RORA: variants seen among roughly 807,000 people sequenced by gnomAD.
RORA encodes the protein RAR related orphan receptor A.
RORA carries 7 observed loss-of-function variants against 69.5 expected under a neutral mutation model. The observed-to-expected ratio is 0.10, with a 90% CI of 0.06 to 0.19. The LOEUF (loss-of-function observed/expected upper bound fraction) is 0.19. RORA is among the 10% of genes least tolerant of loss of function. The pLI is 1.00. For missense variants in RORA, 457 were observed against 663.0 expected, an observed-to-expected ratio of 0.69 and a Z score of 3.41; for synonymous variants, 261 against 240.8, an observed-to-expected ratio of 1.08 and a Z score of -0.78.
intron 2 of RORA, among the ~76,000 whole-genome samples, chr15:60,647,801 G>C (rs2070076757): frequency 6.6e-6 from 1 of 152,190 alleles, no homozygotes; most frequent in South Asian, 2.1e-4. Context: ...TTGATATAGA[G>C]CCTTCTCTGT....
chr15:60,688,340 T>C (rs58806742), intron 1 of RORA, among the ~76,000 whole-genome samples: 2,882 of 152,256 alleles, frequency 0.019, 102 homozygotes, highest in East Asian at 0.091. Context: ...GGAGGAATTA[T>C]GACTGATTTT....
At chr15:60,731,488 G>T (rs1156948938) in intron 1 of RORA, among the ~76,000 whole-genome samples, 3 of 152,280 alleles carry the variant, frequency 2.0e-5, no homozygotes, top group Non-Finnish European at 4.4e-5. Context: ...GAAGAAAACA[G>T]AAAAAAGTCA....
At chr15:60,642,285 G>T (rs1251670863) in intron 2 of RORA, among the ~76,000 whole-genome samples, 2 of 152,140 alleles carry the variant, frequency 1.3e-5, no homozygotes, top group African/African-American at 4.8e-5. Flanking sequence ...GGAGGGGATG[G>T]TAGAGACCTG....
intron 1 of RORA, among the ~76,000 whole-genome samples, chr15:60,697,678 C>T (rs1386283817): frequency 1.3e-5 from 2 of 151,962 alleles, no homozygotes; most frequent in Non-Finnish European, 2.9e-5. Context: ...ACAATCAGGC[C>T]GGTTACTCAG....
chr15:61,048,911 C>A (rs1354479060), intron 1 of RORA, among the ~76,000 whole-genome samples: 1 of 152,172 alleles, frequency 6.6e-6, no homozygotes, highest in Non-Finnish European at 1.5e-5. Context: ...CTTTGAACCT[C>A]TTCCTCCACA....
At chr15:60,815,988 A>ATATGTATTTATTTACTATAAATAG (rs2072807614) in intron 1 of RORA, among the ~76,000 whole-genome samples, 2 of 126,468 alleles carry the variant, frequency 1.6e-5, no homozygotes, top group African/African-American at 5.8e-5. Flanking sequence ...TATAAATAGT[A>ATATGTATTTATTTACTATAAATAG]TATATATACT....
intron 2 of RORA, among the ~76,000 whole-genome samples, chr15:60,581,352 G>C (rs1596009123): frequency 1.3e-5 from 2 of 152,296 alleles, no homozygotes; most frequent in South Asian, 4.1e-4. Flanking sequence ...TGTTTTACGA[G>C]ATTTTGCTTG....
chr15:60,635,691 G>A (rs1486876520), intron 2 of RORA, among the ~76,000 whole-genome samples: 1 of 152,164 alleles, frequency 6.6e-6, no homozygotes, highest in Non-Finnish European at 1.5e-5. Flanking sequence ...GGTGCTATGT[G>A]GCATTCCGGA....
intron 2 of RORA, among the ~76,000 whole-genome samples, chr15:60,639,625 TGCC>T (rs2069905528): frequency 6.6e-6 from 1 of 152,218 alleles, no homozygotes; most frequent in South Asian, 2.1e-4. Context: ...GACAGATCCT[TGCC>T]ACCACTTTTT....
intron 1 of RORA, among the ~76,000 whole-genome samples, chr15:61,227,581 G>T (rs1036285009): frequency 4.6e-5 from 7 of 152,186 alleles, no homozygotes; most frequent in African/African-American, 1.4e-4. Context: ...CTAAGGTGGG[G>T]GGGGGGATAC....
chr15:61,040,865 A>C (rs1266073407), intron 1 of RORA, among the ~76,000 whole-genome samples: 1 of 152,234 alleles, frequency 6.6e-6, no homozygotes, highest in Non-Finnish European at 1.5e-5. Context: ...TTTTATTGAT[A>C]AAACTCTTGG....
At chr15:60,563,280 T>C (rs1162089679) in intron 2 of RORA, among the ~76,000 whole-genome samples, 3 of 152,214 alleles carry the variant, frequency 2.0e-5, no homozygotes, top group East Asian at 3.8e-4. Flanking sequence ...GCTCAGCCTT[T>C]TATACCTCTT....
chr15:60,569,589 G>A (rs2067819300), intron 2 of RORA, among the ~76,000 whole-genome samples: 1 of 152,166 alleles, frequency 6.6e-6, no homozygotes, highest in African/African-American at 2.4e-5. Flanking sequence ...TTAAAAGGGG[G>A]AAACAGGGCA....
rs1220226115 is a variant in RORA at position 61,226,991 on chromosome 15, T to C, written c.166+2062A>G. Among the ~76,000 whole-genome samples the C allele has an allele frequency of 4.6e-5, 7 of 152,148 alleles. No individual in the cohort carries two copies. Among genetic ancestry groups the C allele is most frequent in the African/African-American group, 9.7e-5 (4 of 41,434 alleles). ...CTGAGCCTAAGGGGGCTGGTGGCAC[T>C]GAATGCTCCGGCGTTACATAATTTG... On this transcript the variant is annotated intron_variant, in intron 1 of 10. Coordinates refer to ENST00000335670, the MANE Select transcript of RORA (RefSeq NM_134261.3). This position sits in a 1 kb window ranked among gnomAD's most constrained non-coding sequence, Gnocchi z 4.2.
intron 1 of RORA, among the ~76,000 whole-genome samples, chr15:60,691,718 A>T (rs2070829284): frequency 6.6e-6 from 1 of 152,208 alleles, no homozygotes; most frequent in African/African-American, 2.4e-5. Flanking sequence ...ATCAATAGAA[A>T]AGTTAAAATG....
intron 1 of RORA, among the ~76,000 whole-genome samples, chr15:60,695,510 C>T (rs960176232): frequency 2.6e-5 from 4 of 151,516 alleles, no homozygotes; most frequent in African/African-American, 9.7e-5. Context: ...TCTAAATATT[C>T]CAAATAATTC....
chr15:61,186,206 C>T (rs1426950875), intron 1 of RORA, among the ~76,000 whole-genome samples: 2 of 152,194 alleles, frequency 1.3e-5, no homozygotes, highest in African/African-American at 2.4e-5. Context: ...TTGCTCAGCA[C>T]ACTGCAACCT....
Position 60,984,166 on chromosome 15 carries a change from T to G in RORA, c.166+244887A>C, listed in dbSNP as rs188239432. Among the ~76,000 whole-genome samples, 1,414 of 152,270 alleles carry G rather than the reference T, an allele frequency of 9.3e-3. 9 individuals carry two copies. The highest frequency in any genetic ancestry group is 0.015 in the Non-Finnish European group (1,040 of 68,018). Reference sequence around the variant, plus strand: ...ATATACAATTATTTTCTGATTCACTTTATAAGAACATATAGCACCCCGATT... The same window carrying G: ...ATATACAATTATTTTCTGATTCACTGTATAAGAACATATAGCACCCCGATT... On this transcript the variant is annotated intron_variant, in intron 1 of 10. Coordinates refer to ENST00000335670, the MANE Select transcript of RORA (RefSeq NM_134261.3).
chr15:60,944,282 T>C (rs1016237335), intron 1 of RORA, among the ~76,000 whole-genome samples: 2 of 152,034 alleles, frequency 1.3e-5, no homozygotes, highest in African/African-American at 4.8e-5. Flanking sequence ...CCCAGGAAGA[T>C]CCTCCCATGC....
Sources: gnomAD v4.1 joint callset for allele counts (sites outside exome capture counted in the v4.1 genomes callset) on GRCh38, gnomAD v4.1.1 for gene constraint, Gnocchi (gnomAD v3.1) non-coding constraint, MANE v1.5 for transcripts, NCBI Gene and HGNC (gene_info 2026-07-23, HGNC 2026-07-21) for gene names.